The following BCAS3 variants were observed in gnomAD, a reference collection of about 807,000 sequenced individuals.
BCAS3 encodes the protein BCAS3 microtubule associated cell migration factor.
BCAS3 carries 53 observed loss-of-function variants against 116.1 expected under a neutral mutation model. The ratio of observed to expected loss-of-function variants is 0.46; its 90% confidence interval spans 0.37 to 0.57. The LOEUF (loss-of-function observed/expected upper bound fraction) is 0.57, where lower values mean the gene tolerates loss of function less well. BCAS3 is among the 20% of genes least tolerant of loss of function. BCAS3 has a pLI of 0.00. For synonymous variants in BCAS3, 391 were observed against 408.2 expected, an observed-to-expected ratio of 0.96 and a Z score of 0.51; for missense variants, 917 against 1,165.4, an observed-to-expected ratio of 0.79 and a Z score of 3.10.
At chr17:61,047,927 C>T (rs2068494979) in intron 19 of BCAS3, among the ~76,000 whole-genome samples, 2 of 151,972 alleles carry the variant, frequency 1.3e-5, no homozygotes, top group African/African-American at 2.4e-5. Flanking sequence ...GGACTTCTTT[C>T]TAAATCAGGC....
intron 22 of BCAS3, among the ~76,000 whole-genome samples, chr17:61,096,039 C>T (rs957716497): frequency 1.3e-5 from 2 of 152,086 alleles, no homozygotes; most frequent in African/African-American, 4.8e-5. Flanking sequence ...ACTCTGTTGT[C>T]CAGGCTGGAG....
chr17:61,310,296 G>A (rs539528951), intron 22 of BCAS3, among the ~76,000 whole-genome samples: 1 of 152,352 alleles, frequency 6.6e-6, no homozygotes, highest in South Asian at 2.1e-4. Flanking sequence ...GCTCACGCCT[G>A]TAATCCCAGC....
intron 14 of BCAS3, among the ~76,000 whole-genome samples, chr17:60,980,031 C>T (rs2145393631): frequency 6.6e-6 from 1 of 152,170 alleles, no homozygotes; most frequent in African/African-American, 2.4e-5. Context: ...AGGGAGGATT[C>T]CCTCTTTTTC....
intron 4 of BCAS3, 85 bp downstream of exon 4, chr17:60,689,846 C>A: frequency 1.1e-6 from 1 of 904,020 alleles, no homozygotes; most frequent in Non-Finnish European, 1.7e-6. Flanking sequence ...CTACTTTAGT[C>A]AGATTACTTT....
chr17:60,904,442 A>C lies in BCAS3; in HGVS notation c.822+1739A>C, dbSNP rs367597557. ...AAACAAACAAACAAAACAACAAAAAAAATGCAAACTCCCCATTTTCTCATA... is the reference window on the plus strand; with the variant it reads ...AAACAAACAAACAAAACAACAAAAACAATGCAAACTCCCCATTTTCTCATA... On this transcript the variant is annotated intron_variant, in intron 11 of 23. Transcript: ENST00000407086. Among the ~76,000 whole-genome samples the C allele has an allele frequency of 2.0e-5, 3 of 152,156 alleles. No individual in the cohort carries two copies. In the South Asian group the frequency reaches 6.2e-4, roughly 32 times the overall value.
At chr17:60,889,492 G>C (rs1004478951) in intron 9 of BCAS3, among the ~76,000 whole-genome samples, 1 of 152,168 alleles carries the variant, frequency 6.6e-6, no homozygotes, top group Non-Finnish European at 1.5e-5. Context: ...TTGGGACAGA[G>C]TTAAGCCAAA....
At chr17:60,688,201 G>A (rs894095372) in intron 3 of BCAS3, 6 of 152,206 alleles carry the variant, frequency 3.9e-5, no homozygotes, top group East Asian at 1.9e-4. Context: ...GAAAGGTTGT[G>A]AAATCCAAAT....
intron 22 of BCAS3, among the ~76,000 whole-genome samples, chr17:61,287,108 C>G (rs1299525033): frequency 1.3e-5 from 2 of 151,982 alleles, no homozygotes; most frequent in African/African-American, 4.8e-5. Flanking sequence ...ATTAGCCGGG[C>G]GTGGTGGCGG....
Position 61,290,110 on chromosome 17 carries a change from A to C in BCAS3, c.2426-78217A>C, listed in dbSNP as rs1471441379. Among the ~76,000 whole-genome samples, 4 of 152,162 alleles carry C rather than the reference A, an allele frequency of 2.6e-5. No homozygotes were observed. In the East Asian group the frequency reaches 7.7e-4, roughly 29 times the overall value. The stretch of plus-strand genomic sequence containing the variant: ...GTGGTGGAAAGAGTTCTACTTTTAT[A>C]CTTAAAAGAAAAAATGCAAACTTTG... On this transcript the variant is annotated intron_variant, in intron 22 of 23. Transcript: ENST00000407086.
rs934375460 is a variant in BCAS3, at chr17:61,286,535, T to G, written c.2426-81792T>G. ...TTTTCTCACGTTAGCATGCTGCTGCTTGGTGCACGACCAAAAAGTAACATG... is the reference window on the plus strand; with the variant it reads ...TTTTCTCACGTTAGCATGCTGCTGCGTGGTGCACGACCAAAAAGTAACATG... On this transcript the variant is annotated intron_variant, in intron 22 of 23. Coordinates refer to ENST00000407086, the MANE Select transcript of BCAS3 (RefSeq NM_017679.5). The surrounding 1 kb of genome is among the most constrained non-coding windows in gnomAD (Gnocchi z 4.8). Among the ~76,000 whole-genome samples, 1 of 152,144 alleles carries G rather than the reference T, an allele frequency of 6.6e-6. No individual in the cohort carries two copies. The highest frequency in any genetic ancestry group is 1.5e-5 in the Non-Finnish European group (1 of 68,022).
chr17:61,070,094 C>G (rs778952469), intron 19 of BCAS3: 1 of 1,574,216 alleles, frequency 6.4e-7, no homozygotes, highest in Non-Finnish European at 8.7e-7. Flanking sequence ...GACCACTATG[C>G]TATCATCAAG....
intron 14 of BCAS3, among the ~76,000 whole-genome samples, chr17:60,984,149 C>G (rs1343523518): frequency 6.6e-6 from 1 of 152,122 alleles, no homozygotes; most frequent in Non-Finnish European, 1.5e-5. Context: ...TCACAATAGT[C>G]GAGATTGGCA....
intron 14 of BCAS3, among the ~76,000 whole-genome samples, chr17:60,949,968 G>A (rs1271815892): frequency 6.6e-6 from 1 of 152,118 alleles, no homozygotes; most frequent in African/African-American, 2.4e-5. Context: ...ATGTGTGGTG[G>A]GGGAAAGGTG....
At position 61,286,566 on chromosome 17, in the gene BCAS3, AT is replaced by A. The variant is rs1232505386; in HGVS notation, c.2426-81760del. 6.6e-6 allele frequency among the ~76,000 whole-genome samples: 1 copy of A among 152,134 alleles called. No individual in the cohort carries two copies. Among genetic ancestry groups the A allele is most frequent in the Non-Finnish European group, 1.5e-5 (1 of 68,028 alleles). ...CACGACCAAAAAGTAACATGTCAGA[AT>A]AGGGATTTTCACACCAGCAGAGAGT... On this transcript the variant is annotated intron_variant, in intron 22 of 23. Transcript: ENST00000407086. The surrounding 1 kb of genome is among the most constrained non-coding windows in gnomAD (Gnocchi z 4.8).
chr17:61,047,553 G>A (rs1017089344), intron 19 of BCAS3, among the ~76,000 whole-genome samples: 2 of 151,968 alleles, frequency 1.3e-5, no homozygotes, highest in Non-Finnish European at 2.9e-5. Flanking sequence ...GAGGTCATTA[G>A]TGATTTCTGT....
Position 61,271,424 on chromosome 17 carries a change from A to ATTTTTTTTTTTTTTTTTTTTTTTTTT in BCAS3, c.2426-96890_2426-96889insTTTTTTTTTTTTTTTTTTTTTTTTTT. On this transcript the variant is annotated intron_variant, in intron 22 of 23. Coordinates refer to ENST00000407086, the MANE Select transcript of BCAS3 (RefSeq NM_017679.5). ...TACAGGTGTAAGCCACCATGCCCGG[A>ATTTTTTTTTTTTTTTTTTTTTTTTTT]TTTTTTTTTTTTTGTCTTAGGTGGA... 2.0e-4 allele frequency among the ~76,000 whole-genome samples: 14 copies of ATTTTTTTTTTTTTTTTTTTTTTTTTT among 70,236 alleles called. 5 individuals carry two copies. The highest frequency in any genetic ancestry group is 1.5e-4 in the Non-Finnish European group (6 of 40,940). 46.1% of individuals were successfully genotyped at this position (70,236 alleles called of 152,430 possible). A position where few individuals can be genotyped will look rare whatever the true frequency, so the allele number is the denominator to read the frequency against.
At position 61,352,747 on chromosome 17, in the gene BCAS3, G is replaced by T. The variant is rs1275565305; in HGVS notation, c.2426-15580G>T. Among the ~76,000 whole-genome samples, 1 of 152,176 alleles carries T rather than the reference G, an allele frequency of 6.6e-6. No individual in the cohort carries two copies. The highest frequency in any genetic ancestry group is 6.5e-5 in the Admixed American group (1 of 15,280). ...TAAGTGGAGCCTTCTCTGCAGGCAA[G>T]CCTGGACTCCCCACCCCTCTCCTCT... is the stretch of plus-strand genomic sequence containing the variant. On this transcript the variant is annotated intron_variant, in intron 22 of 23. Coordinates refer to ENST00000407086, the MANE Select transcript of BCAS3 (RefSeq NM_017679.5). The surrounding 1 kb of genome is among the most constrained non-coding windows in gnomAD (Gnocchi z 4.7).
In BCAS3 at chr17:61,200,357, A is replaced by G. The variant is rs759086663; in HGVS notation, c.2425+115793A>G. 1.3e-5 allele frequency among the ~76,000 whole-genome samples: 2 copies of G among 152,246 alleles called. No individual in the cohort carries two copies. Among genetic ancestry groups the G allele is most frequent in the African/African-American group, 2.4e-5 (1 of 41,468 alleles). ...AGTACACTGTTTGATAATAGTGACAACTAACATCAATTTGGCACTTACTAT... is the reference window on the plus strand; with the variant it reads ...AGTACACTGTTTGATAATAGTGACAGCTAACATCAATTTGGCACTTACTAT... On this transcript the variant is annotated intron_variant, in intron 22 of 23. Transcript: ENST00000407086. The surrounding 1 kb of genome is among the most constrained non-coding windows in gnomAD (Gnocchi z 5.1).
intron 22 of BCAS3, among the ~76,000 whole-genome samples, chr17:61,143,450 GAA>G (rs2077031371): frequency 1.3e-5 from 2 of 152,276 alleles, no homozygotes; most frequent in Admixed American, 6.5e-5. Context: ...GTTTTTTAAA[GAA>G]AAATAGAGGT....
Sources: allele counts gnomAD v4.1 joint callset (sites outside exome capture counted in the v4.1 genomes callset), GRCh38; gene constraint gnomAD v4.1.1; non-coding constraint Gnocchi (gnomAD v3.1); transcripts MANE v1.5; gene names NCBI Gene and HGNC (gene_info 2026-07-23, HGNC 2026-07-21).